POSTN: variants seen among roughly 807,000 people sequenced by gnomAD.
POSTN encodes the protein periostin.
A neutral mutation model predicts 104.5 loss-of-function variants in POSTN; 71 were observed. The ratio of observed to expected loss-of-function variants is 0.68; its 90% CI spans 0.56 to 0.83. The LOEUF is 0.83. POSTN is among the 40% of genes least tolerant of loss of function. The pLI is 0.00. For missense variants in POSTN, 949 were observed against 1,006.8 expected (o/e 0.94, Z 0.78); for synonymous variants, 355 against 340.7 (o/e 1.04, Z -0.46).
In POSTN at chr13:37,571,426, C is replaced by T; in HGVS notation, c.2122G>A (p.Glu708Lys). 1 of 1,609,484 alleles carries T rather than the reference C, an allele frequency of 6.2e-7. No individual in the cohort carries two copies. Among genetic ancestry groups the T allele is most frequent in the Non-Finnish European group, 8.5e-7 (1 of 1,176,290 alleles). Residue 708 changes from glutamate (E) to lysine (K), a missense_variant, in exon 18 of 23, where the codon GAA (glutamate) becomes AAA (lysine). By Grantham distance (56) the Glu-to-Lys change is moderately conservative. Coordinates refer to ENST00000379747, the MANE Select transcript of POSTN (RefSeq NM_006475.3). ...TCTTTAATCAGTCTGAATTCAGGTT[C>T]ACCTTCAATTTTGACTTTTGTTAGT... Reference protein sequence around the residue: ...PTLTKVKIEGEPEFRLIKEGE... With the variant: ...PTLTKVKIEGKPEFRLIKEGE...
At chr13:37,570,168 A>T (rs1950223635) in intron 19 of POSTN, among the ~76,000 whole-genome samples, 1 of 151,860 alleles carries the variant, frequency 6.6e-6, no homozygotes, top group Non-Finnish European at 1.5e-5. Context: ...GTTTACTGAA[A>T]ATATTGATCA....
chr13:37,590,527 A>G lies in POSTN; in HGVS notation c.286T>C (p.Leu96=), dbSNP rs1950898541. The G allele has an allele frequency of 6.2e-7, 1 of 1,608,270 alleles. No homozygotes were observed. Among genetic ancestry groups the G allele is most frequent in the Non-Finnish European group, 8.5e-7 (1 of 1,176,018 alleles). Residue 96 remains leucine (L), a splice_region_variant and synonymous_variant, in exon 4 of 23, where the codon TTG becomes CTG. Coordinates refer to ENST00000379747, the MANE Select transcript of POSTN (RefSeq NM_006475.3). ...GTGCCATAAACATGGTCAATGGGCA[A>G]AACTGAAATAATCAAGAAATGAATC... The part of the protein sequence containing the change: ...MEGMKGCPAV[L]PIDHVYGTLG...
intron 10 of POSTN, among the ~76,000 whole-genome samples, chr13:37,581,219 G>A (rs1950579677): frequency 6.6e-6 from 1 of 152,114 alleles, no homozygotes; most frequent in Non-Finnish European, 1.5e-5. Context: ...TTAAAGTGCA[G>A]CACATTTAAT....
chr13:37,564,984 A>C (rs1950048074), intron 21 of POSTN: 1 of 155,214 alleles, frequency 6.4e-6, no homozygotes, highest in Non-Finnish European at 1.4e-5. Flanking sequence ...ACCTATGTGC[A>C]ATGTCTGCCT....
rs781123629 is a variant in POSTN, at chr13:37,584,937, C to T, written c.896-9G>A. ...GTGGTACTTCATAAGAGCTGGAGAACACAATAAAAACAGGTAGCTTTCAGA... is the reference window on the plus strand; with the variant it reads ...GTGGTACTTCATAAGAGCTGGAGAATACAATAAAAACAGGTAGCTTTCAGA... On this transcript the variant is annotated splice_polypyrimidine_tract_variant and intron_variant, in intron 7 of 22. Coordinates refer to ENST00000379747, the MANE Select transcript of POSTN (RefSeq NM_006475.3). 6.2e-7 allele frequency: 1 copy of T among 1,612,882 alleles called. No homozygotes were observed. The highest frequency in any genetic ancestry group is 1.7e-5 in the Admixed American group (1 of 59,902).
chr13:37,579,214 T>G lies in POSTN; in HGVS notation c.1791+15A>C. 1 of 1,608,726 alleles carries G rather than the reference T, an allele frequency of 6.2e-7. No homozygotes were observed. Among genetic ancestry groups the G allele is most frequent in the Non-Finnish European group, 8.5e-7 (1 of 1,175,650 alleles). On this transcript the variant is annotated intron_variant, in intron 13 of 22. Coordinates refer to ENST00000379747, the MANE Select transcript of POSTN (RefSeq NM_006475.3). ...ATGGATGAACACTATCATAAATTCA[T>G]TCTAGACAACTTACTTCTTTCAGAA... is the stretch of plus-strand genomic sequence containing the variant.
At chr13:37,580,900 A>C (rs1333541788) in intron 10 of POSTN, among the ~76,000 whole-genome samples, 4 of 152,184 alleles carry the variant, frequency 2.6e-5, no homozygotes, top group Non-Finnish European at 5.9e-5. Context: ...GTTTTTTATT[A>C]AAAGTCAAGC....
intron 10 of POSTN, among the ~76,000 whole-genome samples, chr13:37,581,398 A>C (rs1950585434): frequency 6.6e-6 from 1 of 152,152 alleles, no homozygotes; most frequent in Non-Finnish European, 1.5e-5. Flanking sequence ...TTTGATAAGC[A>C]ATATTTCTAT....
chr13:37,598,119 C>T (rs1951136912), intron 1 of POSTN, among the ~76,000 whole-genome samples: 2 of 152,092 alleles, frequency 1.3e-5, no homozygotes, highest in South Asian at 2.1e-4. Flanking sequence ...TTAAAAGTAA[C>T]TTAAATGCTT....
chr13:37,598,238 A>G (rs1287060790), intron 1 of POSTN, among the ~76,000 whole-genome samples: 1 of 152,180 alleles, frequency 6.6e-6, no homozygotes, highest in Non-Finnish European at 1.5e-5. Context: ...GTTTGCATAC[A>G]TATGATAGTT....
In POSTN at chr13:37,563,310, AT is replaced by A; in HGVS notation, c.*22del. 8.4e-6 allele frequency: 13 copies of A among 1,556,636 alleles called. No homozygotes were observed. The highest frequency in any genetic ancestry group is 2.3e-5 in the South Asian group (2 of 87,312). On this transcript the variant is annotated 3_prime_UTR_variant, in exon 23 of 23. Transcript: ENST00000379747. ...GTTATTGACTTAGGGTTGTATAAAC[AT>A]TTTTTTCTGGTTTTTGGATTTTCAC...
intron 11 of POSTN, 39 bp downstream of exon 11, chr13:37,580,522 A>T: frequency 9.5e-5 from 152 of 1,594,020 alleles, no homozygotes; most frequent in Non-Finnish European, 1.2e-4. Context: ...ATATGCCAAT[A>T]GCTCTCATTC....
Position 37,586,848 on chromosome 13 carries a change from C to T in POSTN, c.687G>A (p.Val229=). 6.2e-7 allele frequency: 1 copy of T among 1,612,908 alleles called. No individual in the cohort carries two copies. Among genetic ancestry groups the T allele is most frequent in the Non-Finnish European group, 8.5e-7 (1 of 1,179,128 alleles). ...GAATTGAGGTACCAATTTGTGTAAGCACACGGTCAATGACATGGACAACAC... is the reference window on the plus strand; with the variant it reads ...GAATTGAGGTACCAATTTGTGTAAGTACACGGTCAATGACATGGACAACAC... ...TNGVVHVIDR[V]LTQIGTSIQD... is the part of the protein sequence containing the mutation. The change falls in exon 6 of 23, where the codon GTG becomes GTA. Residue 229 remains valine (V), a synonymous_variant. Coordinates refer to ENST00000379747, the MANE Select transcript of POSTN (RefSeq NM_006475.3).
chr13:37,597,850 G>A (rs1951128056), intron 1 of POSTN, among the ~76,000 whole-genome samples: 1 of 152,134 alleles, frequency 6.6e-6, no homozygotes, highest in Non-Finnish European at 1.5e-5. Flanking sequence ...TAACAGATCA[G>A]AACATCCTCT....
chr13:37,577,920 T>C lies in POSTN; in HGVS notation c.1963-122A>G. ...AAGCTATTATTACACTTAATAGAAGTGAAGTCCTCATATAAATCATCTTCC... is the reference window on the plus strand; with the variant it reads ...AAGCTATTATTACACTTAATAGAAGCGAAGTCCTCATATAAATCATCTTCC... On this transcript the variant is annotated intron_variant, in intron 15 of 22. Transcript: ENST00000379747. 6.9e-6 allele frequency: 10 copies of C among 1,457,040 alleles called. No individual in the cohort carries two copies. In the South Asian group the frequency reaches 1.5e-4, roughly 22 times the overall value. The allele number at this position is 1,457,040 out of a possible 1,614,324, so 90.3% of individuals were successfully genotyped here.
At position 37,579,991 on chromosome 13, in the gene POSTN, G is replaced by A. The variant is rs772733544; in HGVS notation, c.1530C>T (p.Ser510=). ...CAGCTTCAAGTAGGCTGAGGAAGGT[G>A]CTAAGTGGGAAGAATGTATATGTAT... The part of the protein sequence containing the change: ...HEKLKQDKRF[S]TFLSLLEAAD... The change falls in exon 12 of 23, where the codon AGC becomes AGT. Residue 510 remains serine (S), a splice_region_variant and synonymous_variant. Transcript: ENST00000379747. 2 of 1,612,220 alleles carry A rather than the reference G, an allele frequency of 1.2e-6. No homozygotes were observed. The highest frequency in any genetic ancestry group is 2.7e-5 in the African/African-American group (2 of 74,982).
chr13:37,574,625 T>C lies in POSTN; in HGVS notation c.2036A>G (p.Glu679Gly). 1 of 1,600,284 alleles carries C rather than the reference T, an allele frequency of 6.2e-7. No individual in the cohort carries two copies. Among genetic ancestry groups the C allele is most frequent in the Non-Finnish European group, 8.5e-7 (1 of 1,175,418 alleles). ...GCCTTCAATCACTTTAATTTTTGGT[T>C]CCACAACTTTGGTTATAATTTTAGT... is the stretch of plus-strand genomic sequence containing the variant. ...YTTKIITKVV[E>G]PKIKVIEGSL... The change falls in exon 17 of 23, where the codon GAA becomes GGA. Residue 679 changes from glutamate to glycine, a missense_variant. Physicochemically the swap from Glu to Gly is moderately conservative, Grantham distance 98. Transcript: ENST00000379747.
intron 2 of POSTN, among the ~76,000 whole-genome samples, chr13:37,593,352 T>C (rs1474189195): frequency 6.6e-6 from 1 of 150,740 alleles, no homozygotes; most frequent in Non-Finnish European, 1.5e-5. Context: ...TCGCATTTCA[T>C]AGAATATTTT....
chr13:37,580,566 G>T lies in POSTN; in HGVS notation c.1524C>A (p.Arg508=). Reference sequence around the variant, plus strand: ...GGTGCCACTAATAGGCTTACCTAAAGCGCTTATCTTGTTTTAACTTTTCAT... The same window carrying T: ...GGTGCCACTAATAGGCTTACCTAAATCGCTTATCTTGTTTTAACTTTTCAT... The part of the protein sequence containing the change: ...SLHEKLKQDK[R]FSTFLSLLEA... The change falls in exon 11 of 23, where the codon CGC becomes CGA. Residue 508 remains arginine (R), a synonymous_variant. Coordinates refer to ENST00000379747, the MANE Select transcript of POSTN (RefSeq NM_006475.3). The T allele has an allele frequency of 2.5e-6, 4 of 1,614,036 alleles. No individual in the cohort carries two copies. Among genetic ancestry groups the T allele is most frequent in the Non-Finnish European group, 3.4e-6 (4 of 1,179,966 alleles).
Sources: gnomAD v4.1 joint callset for allele counts (sites outside exome capture counted in the v4.1 genomes callset) on GRCh38, gnomAD v4.1.1 for gene constraint, MANE v1.5 for transcripts, NCBI Gene and HGNC (gene_info 2026-07-23, HGNC 2026-07-21) for gene names.